The following CNTN4 variants were observed in gnomAD, a reference collection of about 807,000 sequenced individuals.
CNTN4 encodes contactin 4.
In CNTN4, 77 loss-of-function variants were observed where a neutral mutation model predicts 122.5. The observed-to-expected ratio is 0.63, with a 90% CI of 0.52 to 0.76. The LOEUF is 0.76. CNTN4 is among the 30% of genes least tolerant of loss of function. The probability of loss-of-function intolerance (pLI) is 0.00; values close to 1 mark genes in which losing one functional copy is unlikely to be tolerated. For synonymous variants in CNTN4, 512 were observed against 447.0 expected (o/e 1.15, Z -1.83); for missense variants, 1,256 against 1,259.1 (o/e 1.00, Z 0.04).
At chr3:2,282,130 AT>A (rs1244073627) in intron 2 of CNTN4, among the ~76,000 whole-genome samples, 1 of 152,162 alleles carries the variant, frequency 6.6e-6, no homozygotes, top group East Asian at 1.9e-4. Context: ...GGTCATTGAT[AT>A]AAAATTTTAT....
chr3:2,421,251 C>CTTT (rs34208393), intron 3 of CNTN4, among the ~76,000 whole-genome samples: 8 of 136,822 alleles, frequency 5.8e-5, no homozygotes, highest in Non-Finnish European at 1.1e-4. Context: ...CAGGGGGTTT[C>CTTT]TTTTTTTTTT....
At chr3:2,670,299 A>C (rs969021538) in intron 4 of CNTN4, among the ~76,000 whole-genome samples, 2 of 152,162 alleles carry the variant, frequency 1.3e-5, no homozygotes, top group African/African-American at 4.8e-5. Flanking sequence ...ATATATATTT[A>C]GGATAGTTAG....
chr3:2,824,339 C>A (rs1000100518), intron 7 of CNTN4, among the ~76,000 whole-genome samples: 3 of 151,996 alleles, frequency 2.0e-5, no homozygotes, highest in African/African-American at 7.2e-5. Context: ...CGCCTATAAT[C>A]CCAGCAACTT....
chr3:2,827,380 G>A (rs920805377), intron 7 of CNTN4, among the ~76,000 whole-genome samples: 3 of 152,156 alleles, frequency 2.0e-5, no homozygotes, highest in African/African-American at 7.2e-5. Flanking sequence ...GCAGCAATTT[G>A]CACAGTTAAA....
chr3:2,432,833 C>T (rs547474569), intron 3 of CNTN4, among the ~76,000 whole-genome samples: 4 of 110,322 alleles, frequency 3.6e-5, no homozygotes, highest in South Asian at 2.8e-4. Flanking sequence ...TTTTTTGATA[C>T]GGTCTCACTC....
At chr3:2,304,051 A>T (rs1274494690) in intron 2 of CNTN4, among the ~76,000 whole-genome samples, 3 of 152,332 alleles carry the variant, frequency 2.0e-5, no homozygotes, top group African/African-American at 7.2e-5. Context: ...AGTAGGTAAG[A>T]TGCACAGTGA....
intron 7 of CNTN4, among the ~76,000 whole-genome samples, chr3:2,856,521 T>A (rs966681559): frequency 6.6e-6 from 1 of 152,218 alleles, no homozygotes; most frequent in Admixed American, 6.5e-5. Context: ...TAAGCAACCC[T>A]TCTTAGCAGT....
chr3:2,571,240 G>GA (rs2079407556), intron 3 of CNTN4, 176 bp from the exon 4 acceptor site: 2 of 523,712 alleles, frequency 3.8e-6, no homozygotes, highest in East Asian at 3.5e-5. Context: ...TTATCTGCAA[G>GA]AAAAAAATAG....
At chr3:2,156,327 A>G (rs1189631885) in intron 2 of CNTN4, among the ~76,000 whole-genome samples, 1 of 152,178 alleles carries the variant, frequency 6.6e-6, no homozygotes, top group African/African-American at 2.4e-5. Context: ...CATTCAGAAG[A>G]GAAATTGCGC....
At chr3:2,819,416 T>G (rs1489224446) in intron 6 of CNTN4, 70 bp from the exon 7 acceptor site, 1 of 1,183,410 alleles carries the variant, frequency 8.5e-7, no homozygotes, top group Non-Finnish European at 1.3e-6. Context: ...TCTTTTGAAA[T>G]AGTGGTACTC....
chr3:2,261,596 C>A (rs187785658), intron 2 of CNTN4, among the ~76,000 whole-genome samples: 4 of 152,246 alleles, frequency 2.6e-5, no homozygotes, highest in African/African-American at 9.6e-5. Flanking sequence ...GGGATAGAAG[C>A]TTCTGCATCA....
chr3:2,651,725 C>T lies in CNTN4; in HGVS notation c.55+80167C>T, dbSNP rs370263425. Among the ~76,000 whole-genome samples the T allele has an allele frequency of 3.7e-3, 534 of 145,966 alleles. 3 individuals carry two copies. The highest frequency in any genetic ancestry group is 0.013 in the African/African-American group (512 of 39,362). Reference sequence around the variant, plus strand: ...TTTTTTTTCTTTTTTTTTTTTGAGACGGAGTCTCACTCTGTTGCCCAGGCT... The same window carrying T: ...TTTTTTTTCTTTTTTTTTTTTGAGATGGAGTCTCACTCTGTTGCCCAGGCT... On this transcript the variant is annotated intron_variant, in intron 4 of 24. Transcript: ENST00000418658.
chr3:2,737,479 G>A (rs2089200470), intron 5 of CNTN4, among the ~76,000 whole-genome samples: 1 of 152,142 alleles, frequency 6.6e-6, no homozygotes, highest in African/African-American at 2.4e-5. Flanking sequence ...TTTTCGTAGT[G>A]CTGGGAATTA....
chr3:3,026,107 A>C lies in CNTN4; in HGVS notation c.1492A>C (p.Thr498Pro), dbSNP rs780962326. ...GTTTTGTTTTAACTCTCCAGATCCA[A>C]CAAGGGTAATGGTACCCCCTTCCAG... ...STGNLVVKDP[T>P]RVMVPPSSMD... The change falls in exon 15 of 25, where the codon ACA becomes CCA. Residue 498 changes from threonine to proline, a missense_variant. Thr to Pro is a conservative substitution (Grantham distance 38). Coordinates refer to ENST00000418658, the MANE Select transcript of CNTN4 (RefSeq NM_175607.3). 1 of 1,613,142 alleles carries C rather than the reference A, an allele frequency of 6.2e-7. No individual in the cohort carries two copies.
chr3:2,221,253 A>G (rs1009465554), intron 2 of CNTN4, among the ~76,000 whole-genome samples: 35 of 152,094 alleles, frequency 2.3e-4, no homozygotes, highest in African/African-American at 8.4e-4. Context: ...AAAGGGAAAC[A>G]TTTGTTTTTC....
At chr3:2,231,904 T>C (rs1293725767) in intron 2 of CNTN4, among the ~76,000 whole-genome samples, 1 of 151,618 alleles carries the variant, frequency 6.6e-6, no homozygotes, top group African/African-American at 2.4e-5. Context: ...TAGGTATTTA[T>C]TAACACAATA....
chr3:2,930,228 T>A (rs140574920), intron 13 of CNTN4, among the ~76,000 whole-genome samples: 144 of 152,334 alleles, frequency 9.5e-4, no homozygotes, highest in African/African-American at 3.3e-3. Context: ...CCTCTCACTG[T>A]TTTGGTCATT....
intron 4 of CNTN4, among the ~76,000 whole-genome samples, chr3:2,731,968 G>A (rs1257675507): frequency 1.3e-5 from 2 of 152,196 alleles, no homozygotes; most frequent in East Asian, 1.9e-4. Flanking sequence ...AGTGTTCTAA[G>A]AAAGAGTTAG....
rs543812083 is a variant in CNTN4, at chr3:2,710,000, T to C, written c.56-26215T>C. Among the ~76,000 whole-genome samples the C allele has an allele frequency of 5.3e-5, 8 of 152,320 alleles. No individual in the cohort carries two copies. The highest frequency in any genetic ancestry group is 3.9e-4 in the Admixed American group (6 of 15,296). ...ACCCTCCTTTGTTAACATTTTAAATTGTCGCTCTATAGATGTCATTAGTTT... is the reference window on the plus strand; with the variant it reads ...ACCCTCCTTTGTTAACATTTTAAATCGTCGCTCTATAGATGTCATTAGTTT... On this transcript the variant is annotated intron_variant, in intron 4 of 24. Coordinates refer to ENST00000418658, the MANE Select transcript of CNTN4 (RefSeq NM_175607.3). The surrounding 1 kb of genome is among the most constrained non-coding windows in gnomAD (Gnocchi z 5.0).
Sources: gnomAD v4.1 joint callset for allele counts (sites outside exome capture counted in the v4.1 genomes callset) on GRCh38, gnomAD v4.1.1 for gene constraint, Gnocchi (gnomAD v3.1) non-coding constraint, MANE v1.5 for transcripts, NCBI Gene and HGNC (gene_info 2026-07-23, HGNC 2026-07-21) for gene names.